Variants in SLCO1B1 observed in about 807,000 individuals in gnomAD.
SLCO1B1 encodes solute carrier organic anion transporter family member 1B1, also known as OATP-2.
SLCO1B1 carries 81 observed loss-of-function variants against 70.1 expected under a neutral mutation model. The ratio of observed to expected loss-of-function variants is 1.16; its 90% confidence interval spans 0.97 to 1.39. The LOEUF is 1.39. Ranked by LOEUF, SLCO1B1 falls within the 40% of genes most tolerant of loss-of-function variation. The pLI is 0.00. For synonymous variants in SLCO1B1, 283 were observed against 271.5 expected, an observed-to-expected ratio of 1.04 and a Z score of -0.42; for missense variants, 895 against 799.6, an observed-to-expected ratio of 1.12 and a Z score of -1.44.
intron 1 of SLCO1B1, among the ~76,000 whole-genome samples, chr12:21,132,806 TC>T (rs1357362451): frequency 1.3e-5 from 2 of 152,216 alleles, no homozygotes; most frequent in Non-Finnish European, 2.9e-5. Context: ...GATGGTAGTT[TC>T]TTTTGCTGTG....
chr12:21,188,256 G>A (rs1383293486), intron 7 of SLCO1B1, among the ~76,000 whole-genome samples: 1 of 151,738 alleles, frequency 6.6e-6, no homozygotes, highest in Non-Finnish European at 1.5e-5. Context: ...GTGAAAGCAA[G>A]ACCAGTGCCT....
intron 2 of SLCO1B1, among the ~76,000 whole-genome samples, chr12:21,170,237 C>T (rs921261833): frequency 5.9e-5 from 9 of 152,134 alleles, no homozygotes; most frequent in African/African-American, 2.2e-4. Flanking sequence ...TGTTTCCTTC[C>T]AATTGCATTG....
intron 2 of SLCO1B1, among the ~76,000 whole-genome samples, chr12:21,157,141 T>C (rs1335916317): frequency 1.3e-5 from 2 of 152,140 alleles, no homozygotes; most frequent in Non-Finnish European, 2.9e-5. Flanking sequence ...CTTTTTCATC[T>C]TTATAAGGTT....
chr12:21,195,060 C>T (rs192372234), intron 7 of SLCO1B1, among the ~76,000 whole-genome samples: 27 of 152,280 alleles, frequency 1.8e-4, no homozygotes, highest in Admixed American at 1.6e-3. Flanking sequence ...AAACACCTCC[C>T]ACCAGGCCCT....
chr12:21,192,943 C>A (rs1254463178), intron 7 of SLCO1B1, among the ~76,000 whole-genome samples: 1 of 151,814 alleles, frequency 6.6e-6, no homozygotes, highest in African/African-American at 2.4e-5. Context: ...TCTAATTTCC[C>A]TTTTGATTTC....
At chr12:21,221,726 T>C (rs1941425642) in intron 12 of SLCO1B1, among the ~76,000 whole-genome samples, 1 of 152,058 alleles carries the variant, frequency 6.6e-6, no homozygotes, top group Non-Finnish European at 1.5e-5. Flanking sequence ...TTTATACCAG[T>C]CAGAACGGCC....
chr12:21,164,950 G>A, intron 2 of SLCO1B1: 2 of 402,188 alleles, frequency 5.0e-6, no homozygotes, highest in South Asian at 1.9e-5. Context: ...CATTGATTAT[G>A]TCTTATTTGT....
intron 2 of SLCO1B1, among the ~76,000 whole-genome samples, chr12:21,163,501 A>AC (rs1940647307): frequency 6.6e-6 from 1 of 150,474 alleles, no homozygotes; most frequent in Non-Finnish European, 1.5e-5. Flanking sequence ...GAAATTGCAA[A>AC]CTCTGTCTTC....
chr12:21,177,718 C>G (rs1940839611), intron 5 of SLCO1B1, among the ~76,000 whole-genome samples: 1 of 151,938 alleles, frequency 6.6e-6, no homozygotes, highest in Non-Finnish European at 1.5e-5. Context: ...TGCAAAAGGA[C>G]TTATTTACAG....
intron 14 of SLCO1B1, among the ~76,000 whole-genome samples, chr12:21,235,158 T>G (rs1241331218): frequency 6.6e-6 from 1 of 151,586 alleles, no homozygotes; most frequent in Non-Finnish European, 1.5e-5. Context: ...CGAAGCTTAT[T>G]ACTCATTGTA....
At chr12:21,181,291 C>T (rs1001104779) in intron 7 of SLCO1B1, among the ~76,000 whole-genome samples, 2 of 152,006 alleles carry the variant, frequency 1.3e-5, no homozygotes, top group Non-Finnish European at 2.9e-5. Flanking sequence ...TCCTATCTAG[C>T]GCGATTATGA....
chr12:21,135,584 G>T (rs371147984), intron 1 of SLCO1B1, among the ~76,000 whole-genome samples: 197 of 152,088 alleles, frequency 1.3e-3, no homozygotes, highest in African/African-American at 4.4e-3. Context: ...TTTACCATTA[G>T]GTAATGGCCT....
intron 11 of SLCO1B1, among the ~76,000 whole-genome samples, chr12:21,215,237 G>A (rs1941344512): frequency 6.6e-6 from 1 of 152,126 alleles, no homozygotes; most frequent in Non-Finnish European, 1.5e-5. Flanking sequence ...GGTGAGAGTG[G>A]GCATTCATGC....
chr12:21,233,443 A>G (rs1328380805), intron 14 of SLCO1B1, among the ~76,000 whole-genome samples: 1 of 151,904 alleles, frequency 6.6e-6, no homozygotes, highest in Non-Finnish European at 1.5e-5. Flanking sequence ...TCTATTCTCC[A>G]CCTGAGAATT....
chr12:21,135,386 C>G (rs1167819965), intron 1 of SLCO1B1, among the ~76,000 whole-genome samples: 1 of 152,008 alleles, frequency 6.6e-6, no homozygotes, highest in Non-Finnish European at 1.5e-5. Flanking sequence ...TCCTGGGTAT[C>G]CTTGTTAACT....
intron 2 of SLCO1B1, among the ~76,000 whole-genome samples, chr12:21,145,894 T>G (rs545561203): frequency 6.6e-6 from 1 of 152,300 alleles, no homozygotes; most frequent in South Asian, 2.1e-4. Context: ...GAAATATATT[T>G]TATCAGTTTA....
chr12:21,171,552 C>G (rs182647442), intron 2 of SLCO1B1, among the ~76,000 whole-genome samples: 1 of 152,218 alleles, frequency 6.6e-6, no homozygotes, highest in East Asian at 1.9e-4. Flanking sequence ...GGCAGATGTG[C>G]ACAGAAGTAG....
chr12:21,201,726 G>A (rs966844127), intron 9 of SLCO1B1, among the ~76,000 whole-genome samples: 1 of 152,068 alleles, frequency 6.6e-6, no homozygotes, highest in Non-Finnish European at 1.5e-5. Flanking sequence ...AAACAAAATT[G>A]CCTCATAGAA....
intron 14 of SLCO1B1, among the ~76,000 whole-genome samples, chr12:21,226,857 T>A (rs1941487534): frequency 6.6e-6 from 1 of 152,116 alleles, no homozygotes; most frequent in Non-Finnish European, 1.5e-5. Context: ...AGTTTTTCTG[T>A]AAATCTAAAA....
Sources: allele counts gnomAD v4.1 joint callset (sites outside exome capture counted in the v4.1 genomes callset), GRCh38; gene constraint gnomAD v4.1.1; transcripts MANE v1.5; gene names NCBI Gene and HGNC (gene_info 2026-07-23, HGNC 2026-07-21).